TYW5: variants seen among roughly 807,000 people sequenced by gnomAD.
The protein encoded by TYW5 is tRNA wybutosine-synthesizing protein 5.
In TYW5, 36 loss-of-function variants were observed where a neutral mutation model predicts 44.4. That is an observed-to-expected ratio of 0.81 (90% CI 0.62 to 1.07). The LOEUF is 1.07. Among genes scored for constraint, TYW5 ranks in the 50% least tolerant of loss-of-function variants. The pLI is 0.00. For missense variants in TYW5, 354 were observed against 365.7 expected, an observed-to-expected ratio of 0.97 and a Z score of 0.26; for synonymous variants, 121 against 128.1, an observed-to-expected ratio of 0.94 and a Z score of 0.37.
intron 4 of TYW5, among the ~76,000 whole-genome samples, chr2:199,939,557 G>A (rs368073993): frequency 1.3e-5 from 2 of 152,144 alleles, no homozygotes; most frequent in African/African-American, 4.8e-5. Flanking sequence ...CTAATATTCA[G>A]GAGTCAACAC....
intron 5 of TYW5, among the ~76,000 whole-genome samples, chr2:199,936,744 C>T (rs1288050071): frequency 6.6e-6 from 1 of 152,184 alleles, no homozygotes; most frequent in Non-Finnish European, 1.5e-5. Flanking sequence ...AACGATTTGC[C>T]TTTGCCTCAC....
intron 2 of TYW5, chr2:199,947,609 C>T (rs1163545832): frequency 1.3e-5 from 2 of 152,072 alleles, no homozygotes. Context: ...CTGGAGAGGA[C>T]AGAAAAAGAA....
In TYW5 at chr2:199,939,053, T is replaced by C. The variant is rs759931124; in HGVS notation, c.366A>G (p.Arg122=). 1 of 1,610,138 alleles carries C rather than the reference T, an allele frequency of 6.2e-7. No individual in the cohort carries two copies. Among genetic ancestry groups the C allele is most frequent in the Non-Finnish European group, 8.5e-7 (1 of 1,178,958 alleles). The change falls in exon 5 of 8, where the codon AGA becomes AGG. Residue 122 remains arginine (R), a synonymous_variant. Coordinates refer to ENST00000354611, the MANE Select transcript of TYW5 (RefSeq NM_001039693.3). ...CTCCTTTCAACAAAGGAAACTGCTT[T>C]CTGATATCTGCAACATCCTGCATTT... ...EDPRKDVADI[R]KQFPLLKGDI... is the part of the protein sequence containing the mutation.
At chr2:199,945,690 G>C (rs1279028073) in intron 2 of TYW5, 1 of 152,222 alleles carries the variant, frequency 6.6e-6, no homozygotes, top group Non-Finnish European at 1.5e-5. Context: ...ACCAGGCTTA[G>C]CTTTCTTACC....
chr2:199,936,337 T>G, intron 6 of TYW5, 68 bp downstream of exon 6: 1 of 1,313,430 alleles, frequency 7.6e-7, no homozygotes, highest in South Asian at 1.3e-5. Context: ...CCTATAAGAA[T>G]CAAGAGATTT....
chr2:199,955,435 C>G lies in TYW5; in HGVS notation c.36G>C (p.Glu12Asp), dbSNP rs370452475. The stretch of plus-strand genomic sequence containing the variant: ...GCATGAACTGCTCCCGAGAAACGCC[C>G]TCCAGCCGGGGTACCGGGAGGTGCT... ...AGQHLPVPRL[E>D]GVSREQFMQH... Residue 12 changes from glutamate (E) to aspartate (D), a missense_variant, in exon 1 of 8, where the codon GAG (glutamate) becomes GAC (aspartate). Physicochemically the swap from Glu to Asp is conservative, Grantham distance 45. Transcript: ENST00000354611. The G allele has an allele frequency of 1.4e-5, 22 of 1,613,970 alleles. No homozygotes were observed. Among genetic ancestry groups the G allele is most frequent in the Non-Finnish European group, 1.8e-5 (21 of 1,179,990 alleles).
In TYW5 at chr2:199,930,282, C is replaced by G. The variant is rs2077365922; in HGVS notation, c.*2785G>C. 6.6e-6 allele frequency: 1 copy of G among 152,004 alleles called. No individual in the cohort carries two copies. The highest frequency in any genetic ancestry group is 2.4e-5 in the African/African-American group (1 of 41,384). 9.4% of individuals were successfully genotyped at this position (152,004 alleles called of 1,614,324 possible). Reference sequence around the variant, plus strand: ...TTGAAAGGATAATGTGAACAAAAGTCCAAATAATACAAAACTAGATTCTAA... The same window carrying G: ...TTGAAAGGATAATGTGAACAAAAGTGCAAATAATACAAAACTAGATTCTAA... On this transcript the variant is annotated 3_prime_UTR_variant, in exon 8 of 8. Transcript: ENST00000354611.
In TYW5 at chr2:199,935,544, C is replaced by T. The variant is rs2077411814; in HGVS notation, c.691+387G>A. On this transcript the variant is annotated intron_variant, in intron 7 of 7. Transcript: ENST00000354611. ...ATTTATTTTTGTCGAGACGGGGTCT[C>T]GCTATGTTGCCCATGCTGGTCTTGC... Among the ~76,000 whole-genome samples, 6 of 150,388 alleles carry T rather than the reference C, an allele frequency of 4.0e-5. No individual in the cohort carries two copies. The South Asian group carries it at 1.0e-3, about 26-fold the overall frequency.
At position 199,938,834 on chromosome 2, in the gene TYW5, G is replaced by A; in HGVS notation, c.486+99C>T. On this transcript the variant is annotated intron_variant, in intron 5 of 7. Coordinates refer to ENST00000354611, the MANE Select transcript of TYW5 (RefSeq NM_001039693.3). ...AAGTCATGTTTCAGCAAATTACACA[G>A]ATGTTTAGGGTAACCTATAGGAAGT... is the stretch of plus-strand genomic sequence containing the variant. 4 of 1,250,550 alleles carry A rather than the reference G, an allele frequency of 3.2e-6. No homozygotes were observed. The South Asian group carries it at 7.2e-5, about 22-fold the overall frequency. 77.5% of individuals were successfully genotyped at this position (1,250,550 alleles called of 1,614,324 possible).
chr2:199,952,376 A>AT (rs1199349888), intron 1 of TYW5, among the ~76,000 whole-genome samples: 1 of 152,142 alleles, frequency 6.6e-6, no homozygotes, highest in African/African-American at 2.4e-5. Context: ...AGCTTTTTAA[A>AT]TTTTTGCCAA....
intron 1 of TYW5, among the ~76,000 whole-genome samples, chr2:199,951,872 C>A (rs1436941721): frequency 6.6e-6 from 1 of 151,972 alleles, no homozygotes; most frequent in Non-Finnish European, 1.5e-5. Flanking sequence ...AAAAAATTAG[C>A]CGGGTGTGGT....
intron 2 of TYW5, 28 bp downstream of exon 2, chr2:199,948,290 C>G (rs769535769): frequency 6.2e-7 from 1 of 1,611,656 alleles, no homozygotes; most frequent in Non-Finnish European, 8.5e-7. Flanking sequence ...TTATTTGTAT[C>G]CCCAGAGTAA....
intron 5 of TYW5, 52 bp downstream of exon 5, chr2:199,938,881 T>C (rs1559302089): frequency 1.3e-6 from 2 of 1,522,180 alleles, no homozygotes; most frequent in African/African-American, 2.8e-5. Flanking sequence ...CTGTTAAATC[T>C]ATAATGCTAA....
At chr2:199,949,239 A>G (rs935789047) in intron 1 of TYW5, among the ~76,000 whole-genome samples, 1 of 152,006 alleles carries the variant, frequency 6.6e-6, no homozygotes, top group African/African-American at 2.4e-5. Flanking sequence ...AGTGTGGTGC[A>G]TGTCTGTAAT....
At chr2:199,953,445 A>G (rs957686636) in intron 1 of TYW5, among the ~76,000 whole-genome samples, 1 of 152,238 alleles carries the variant, frequency 6.6e-6, no homozygotes, top group Non-Finnish European at 1.5e-5. Context: ...CAGAAAGGAC[A>G]TGAGAAATCT....
In TYW5 at chr2:199,933,270, A is replaced by G; in HGVS notation, c.745T>C (p.Phe249Leu). The change falls in exon 8 of 8, where the codon TTT becomes CTT. Residue 249 changes from phenylalanine (F) to leucine (L), a missense_variant. By Grantham distance (22) the Phe-to-Leu change is conservative (BLOSUM62 0). Coordinates refer to ENST00000354611, the MANE Select transcript of TYW5 (RefSeq NM_001039693.3). The part of the protein sequence containing the change: ...SEEFGVGVNI[F>L]WKHLPSECYD... ...CATTCAGATGGAAGGTGCTTCCAAA[A>G]GATATTCACTCCCACTCCAAACTCT... 1 of 1,613,952 alleles carries G rather than the reference A, an allele frequency of 6.2e-7. No individual in the cohort carries two copies. The highest frequency in any genetic ancestry group is 8.5e-7 in the Non-Finnish European group (1 of 1,179,858).
chr2:199,949,351 G>A (rs919985979), intron 1 of TYW5, among the ~76,000 whole-genome samples: 1 of 152,164 alleles, frequency 6.6e-6, no homozygotes, highest in Non-Finnish European at 1.5e-5. Flanking sequence ...CTGGGCGACA[G>A]AGTGAAACTC....
intron 3 of TYW5, among the ~76,000 whole-genome samples, chr2:199,941,706 GAC>G (rs1443206791): frequency 1.3e-5 from 2 of 152,198 alleles, no homozygotes; most frequent in Admixed American, 6.5e-5. Flanking sequence ...TAATGCACCA[GAC>G]ACAGAAGTGC....
rs1312243428 is a variant in TYW5, at chr2:199,931,457, T to C, written c.*1610A>G. ...AACAAGATTTATTAAAAACTGACCA[T>C]AAATAATGTGTAAACTAAGGAGAGT... On this transcript the variant is annotated 3_prime_UTR_variant, in exon 8 of 8. Transcript: ENST00000354611. The C allele has an allele frequency of 1.3e-5, 2 of 152,292 alleles. No homozygotes were observed. The highest frequency in any genetic ancestry group is 1.3e-4 in the Admixed American group (2 of 15,298). 9.4% of individuals were successfully genotyped at this position (152,292 alleles called of 1,614,324 possible). A position where few individuals can be genotyped will look rare whatever the true frequency, so the allele number is the denominator to read the frequency against.
Sources: gnomAD v4.1 joint callset for allele counts (sites outside exome capture counted in the v4.1 genomes callset) on GRCh38, gnomAD v4.1.1 for gene constraint, MANE v1.5 for transcripts, NCBI Gene and HGNC (gene_info 2026-07-23, HGNC 2026-07-21) for gene names.